The following PARD3B variants were observed in gnomAD, a reference collection of about 807,000 sequenced individuals.
PARD3B encodes the protein partitioning defective 3 homolog B.
In PARD3B, 103 loss-of-function variants were observed where a neutral mutation model predicts 130.2. The observed-to-expected ratio is 0.79, with a 90% confidence interval of 0.67 to 0.93. The LOEUF (loss-of-function observed/expected upper bound fraction) is 0.93, where lower values mean the gene tolerates loss of function less well. PARD3B is among the 40% of genes least tolerant of loss of function. PARD3B has a pLI of 0.00. For synonymous variants in PARD3B, 583 were observed against 553.2 expected (o/e 1.05, Z -0.76); for missense variants, 1,609 against 1,499.2 (o/e 1.07, Z -1.21).
At chr2:204,766,537 G>A (rs2041156602) in intron 2 of PARD3B, among the ~76,000 whole-genome samples, 1 of 151,874 alleles carries the variant, frequency 6.6e-6, no homozygotes. Context: ...TACTCTTAAT[G>A]TACTATTGCT....
At chr2:204,773,505 C>A (rs1327050860) in intron 2 of PARD3B, among the ~76,000 whole-genome samples, 1 of 151,776 alleles carries the variant, frequency 6.6e-6, no homozygotes, top group Non-Finnish European at 1.5e-5. Context: ...ATAAATTTAC[C>A]ATTCACATCT....
At chr2:204,806,783 A>C (rs2042782112) in intron 2 of PARD3B, among the ~76,000 whole-genome samples, 1 of 152,206 alleles carries the variant, frequency 6.6e-6, no homozygotes, top group African/African-American at 2.4e-5. Context: ...GAGCTCAAAC[A>C]ATTTTATGGG....
intron 5 of PARD3B, 21 bp from the exon 6 acceptor site, chr2:205,113,470 T>C: frequency 3.1e-6 from 5 of 1,587,436 alleles, no homozygotes; most frequent in Non-Finnish European, 3.5e-6. Context: ...TCATTTGTGC[T>C]CTTGTTTTTT....
intron 1 of PARD3B, among the ~76,000 whole-genome samples, chr2:204,585,998 G>T (rs1475395057): frequency 6.6e-6 from 1 of 152,086 alleles, no homozygotes; most frequent in Non-Finnish European, 1.5e-5. Flanking sequence ...TGGAATTATA[G>T]TACACTGCAT....
At chr2:204,665,060 G>C (rs931454281) in intron 1 of PARD3B, among the ~76,000 whole-genome samples, 1 of 150,934 alleles carries the variant, frequency 6.6e-6, no homozygotes, top group African/African-American at 2.4e-5. Context: ...TGGCTCTTCA[G>C]AATACTGCAG....
chr2:205,404,682 T>C (rs2046360409), intron 19 of PARD3B, among the ~76,000 whole-genome samples: 1 of 152,000 alleles, frequency 6.6e-6, no homozygotes, highest in Non-Finnish European at 1.5e-5. Context: ...TTTTCTTTCC[T>C]TTAAAAAAAA....
intron 18 of PARD3B, among the ~76,000 whole-genome samples, chr2:205,329,611 C>T (rs1252486272): frequency 6.6e-6 from 1 of 152,206 alleles, no homozygotes; most frequent in East Asian, 1.9e-4. Context: ...TAAGAAGCAA[C>T]ATGCGGTAGG....
At chr2:205,579,868 G>A (rs1049243476) in intron 22 of PARD3B, among the ~76,000 whole-genome samples, 1 of 152,094 alleles carries the variant, frequency 6.6e-6, no homozygotes. Flanking sequence ...CTCTTGACAC[G>A]TATTGCCTTA....
chr2:205,125,802 T>G lies in PARD3B; in HGVS notation c.1434+65T>G. The G allele has an allele frequency of 6.4e-7, 1 of 1,560,592 alleles. No individual in the cohort carries two copies. The highest frequency in any genetic ancestry group is 1.4e-5 in the African/African-American group (1 of 73,392). ...GAGCTTAATACACTCAATGAACTCA[T>G]TATAGCTGAGAAACGAGTTCTAAAT... On this transcript the variant is annotated intron_variant, in intron 10 of 22. Transcript: ENST00000406610. This position sits in a 1 kb window ranked among gnomAD's most constrained non-coding sequence, Gnocchi z 4.0.
At chr2:205,483,185 C>T (rs1575132134) in intron 20 of PARD3B, among the ~76,000 whole-genome samples, 3 of 152,234 alleles carry the variant, frequency 2.0e-5, no homozygotes, top group South Asian at 2.1e-4. Flanking sequence ...TTGCTGTATT[C>T]CCATTAATAT....
intron 1 of PARD3B, among the ~76,000 whole-genome samples, chr2:204,567,654 A>C (rs1459671048): frequency 6.6e-6 from 1 of 152,130 alleles, no homozygotes; most frequent in East Asian, 1.9e-4. Flanking sequence ...GGTTATTGCA[A>C]ATAGTGCCAC....
In PARD3B at chr2:205,265,961, G is replaced by T. The variant is rs930561229; in HGVS notation, c.2185+20139G>T. ...TTTTGATTTTTGTTAAAAGCAGCAT[G>T]CACATCCTATAAGGCATCAGTCAGA... On this transcript the variant is annotated intron_variant, in intron 16 of 22. Coordinates refer to ENST00000406610, the MANE Select transcript of PARD3B (RefSeq NM_001302769.2). The surrounding 1 kb of genome is among the most constrained non-coding windows in gnomAD (Gnocchi z 4.3). Among the ~76,000 whole-genome samples the T allele has an allele frequency of 2.0e-5, 3 of 151,958 alleles. No individual in the cohort carries two copies. The highest frequency in any genetic ancestry group is 4.4e-5 in the Non-Finnish European group (3 of 67,948).
rs75279968 is a variant in PARD3B, at chr2:205,282,162, C to T, written c.2186-18368C>T. Among the ~76,000 whole-genome samples the T allele has an allele frequency of 1.6e-3, 250 of 152,154 alleles. 9 individuals carry two copies. The East Asian group carries it at 0.029, about 17-fold the overall frequency. On this transcript the variant is annotated intron_variant, in intron 16 of 22. Coordinates refer to ENST00000406610, the MANE Select transcript of PARD3B (RefSeq NM_001302769.2). ...TAAAAGGATATTGAAAGAATTTAAA[C>T]AAAAACATCAACAGAAGAGAGATAC...
At chr2:204,696,143 G>A (rs899285557) in intron 2 of PARD3B, among the ~76,000 whole-genome samples, 4 of 151,932 alleles carry the variant, frequency 2.6e-5, no homozygotes, top group Admixed American at 1.3e-4. Context: ...TGAAACAATA[G>A]GGAGTATCGG....
intron 4 of PARD3B, among the ~76,000 whole-genome samples, chr2:205,057,717 GTATATA>G (rs142803986): frequency 9.5e-6 from 1 of 105,226 alleles, no homozygotes; most frequent in Non-Finnish European, 2.1e-5. Flanking sequence ...ATGTGTATAC[GTATATA>G]TACATATATG....
intron 2 of PARD3B, among the ~76,000 whole-genome samples, chr2:204,809,424 C>T (rs979685990): frequency 6.6e-6 from 1 of 152,098 alleles, no homozygotes; most frequent in Non-Finnish European, 1.5e-5. Flanking sequence ...ACTTTTAAGT[C>T]TTTAATCCAT....
intron 21 of PARD3B, among the ~76,000 whole-genome samples, chr2:205,508,785 G>A (rs1290921271): frequency 6.6e-6 from 1 of 152,180 alleles, no homozygotes; most frequent in South Asian, 2.1e-4. Context: ...AAAAAAGAGA[G>A]AAAAAACCAT....
At chr2:204,922,814 A>G (rs984363379) in intron 2 of PARD3B, among the ~76,000 whole-genome samples, 88 of 152,256 alleles carry the variant, frequency 5.8e-4, no homozygotes, top group African/African-American at 1.9e-3. Context: ...TGTCTCTCCA[A>G]ATCTCCTCCT....
At chr2:204,604,266 G>C (rs577904672) in intron 1 of PARD3B, among the ~76,000 whole-genome samples, 7 of 152,274 alleles carry the variant, frequency 4.6e-5, no homozygotes, top group African/African-American at 1.7e-4. Flanking sequence ...CTTTGTTAGA[G>C]AAGGAAGGGT....
Sources: gnomAD v4.1 joint callset for allele counts (sites outside exome capture counted in the v4.1 genomes callset) on GRCh38, gnomAD v4.1.1 for gene constraint, Gnocchi (gnomAD v3.1) non-coding constraint, MANE v1.5 for transcripts, NCBI Gene and HGNC (gene_info 2026-07-23, HGNC 2026-07-21) for gene names.